NLRP1: variants seen among roughly 807,000 people sequenced by gnomAD.
NLRP1 encodes the protein NLR family pyrin domain containing 1, also known as NACHT, LRR and PYD domains-containing protein 1.
NLRP1 carries 94 observed loss-of-function variants against 136.7 expected under a neutral mutation model. That is an observed-to-expected ratio of 0.69 (90% CI 0.58 to 0.82). NLRP1 has a LOEUF of 0.82. Among genes scored for constraint, NLRP1 ranks in the 40% least tolerant of loss-of-function variants. The pLI, the probability that NLRP1 is intolerant of heterozygous loss-of-function variation, is 0.00. For synonymous variants in NLRP1, 690 were observed against 725.1 expected (o/e 0.95, Z 0.78); for missense variants, 1,575 against 1,802.7 (o/e 0.87, Z 2.29).
intron 3 of NLRP1, among the ~76,000 whole-genome samples, chr17:5,570,619 A>C (rs1915768720): frequency 6.6e-6 from 1 of 152,132 alleles, no homozygotes; most frequent in South Asian, 2.1e-4. Flanking sequence ...AACCAGAAAA[A>C]GGCCAGGACC....
chr17:5,572,085 T>C (rs547522994), intron 3 of NLRP1, among the ~76,000 whole-genome samples: 2 of 152,258 alleles, frequency 1.3e-5, no homozygotes, highest in South Asian at 2.1e-4. Flanking sequence ...TGATACTATA[T>C]ACAAAGATCA....
chr17:5,519,918 G>A (rs1464512623), intron 14 of NLRP1, among the ~76,000 whole-genome samples: 2 of 137,304 alleles, frequency 1.5e-5, no homozygotes, highest in Admixed American at 7.7e-5. Flanking sequence ...GTGCAGTGGT[G>A]CACTCTCGGC....
intron 2 of NLRP1, among the ~76,000 whole-genome samples, chr17:5,582,411 T>C (rs1383321005): frequency 2.0e-5 from 3 of 152,116 alleles, no homozygotes; most frequent in African/African-American, 4.8e-5. Context: ...GGGCACCCAG[T>C]TGGGGAAGAC....
rs147301590 is a variant in NLRP1, at chr17:5,558,282, C to A, written c.2357+57G>T. 3,925 of 1,533,502 alleles carry A rather than the reference C, an allele frequency of 2.6e-3. 13 individuals carry two copies. The highest frequency in any genetic ancestry group is 3.0e-3 in the Non-Finnish European group (3,418 of 1,140,858). The allele number at this position is 1,533,502 out of a possible 1,614,324, so 95.0% of individuals were successfully genotyped here. On this transcript the variant is annotated intron_variant, in intron 4 of 16. Transcript: ENST00000572272. ...GTGAGCATGCCTCTGGTGCTCAGGTCACTCGGGCTTATGGACTGACAGAGG... is the reference window on the plus strand; with the variant it reads ...GTGAGCATGCCTCTGGTGCTCAGGTAACTCGGGCTTATGGACTGACAGAGG...
chr17:5,521,813 C>A, intron 12 of NLRP1, 27 bp from the exon 13 acceptor site: 1 of 1,551,084 alleles, frequency 6.4e-7, no homozygotes, highest in South Asian at 1.2e-5. Flanking sequence ...TGAAGAGGCA[C>A]AGGTTTATTT....
intron 11 of NLRP1, 45 bp downstream of exon 11, chr17:5,532,777 G>A: frequency 6.5e-7 from 1 of 1,526,938 alleles, no homozygotes; most frequent in Admixed American, 2.1e-5. Context: ...ATGGGCAGTG[G>A]GGTGCGGGAG....
downstream of NLRP1, chr17:5,512,143 A>G (rs1567626894): frequency 1.5e-5 from 13 of 890,146 alleles, no homozygotes. Flanking sequence ...CCACAGACCA[A>G]CTGTGGCCAT....
At position 5,504,671 on chromosome 17, in the gene NLRP1, G is replaced by T. The variant is rs867171633; in HGVS notation, c.4070-2799C>A. 7.1e-6 allele frequency: 1 copy of T among 140,486 alleles called. No homozygotes were observed. Among genetic ancestry groups the T allele is most frequent in the African/African-American group, 2.7e-5 (1 of 36,600 alleles). 8.7% of individuals were successfully genotyped at this position (140,486 alleles called of 1,614,324 possible). A position where few individuals can be genotyped will look rare whatever the true frequency, so the allele number is the denominator to read the frequency against. On this transcript the variant is annotated intron_variant, in intron 15 of 15. Transcript: ENST00000262467. This position sits in a 1 kb window ranked among gnomAD's most constrained non-coding sequence, Gnocchi z 4.4. ...AATAGAATAGAATAAAACACTGACT[G>T]CTGGGGTTCTAACCCACATCTCTCT...
At chr17:5,533,507 G>C in intron 9 of NLRP1, 123 bp from the exon 10 acceptor site, 1 of 552,172 alleles carries the variant, frequency 1.8e-6, no homozygotes. Flanking sequence ...AGTGAGCCAT[G>C]AACATGCCAC....
intron 16 of NLRP1, 45 bp downstream of exon 16, chr17:5,515,428 C>T (rs769088188): frequency 5.9e-6 from 9 of 1,518,750 alleles, no homozygotes; most frequent in Non-Finnish European, 9.1e-7. Flanking sequence ...GACAGTACCC[C>T]AGAACTGCCA....
chr17:5,511,657 A>G (rs142319438), downstream of NLRP1, among the ~76,000 whole-genome samples: 730 of 152,220 alleles, frequency 4.8e-3, 7 homozygotes, highest in African/African-American at 0.017. Context: ...AGGTCTGCAG[A>G]AGGAGGCGGG....
intron 3 of NLRP1, among the ~76,000 whole-genome samples, chr17:5,577,391 A>G (rs941807953): frequency 1.3e-5 from 2 of 152,252 alleles, no homozygotes; most frequent in Non-Finnish European, 1.5e-5. Context: ...AATCTCCTTA[A>G]GCTGATAAGC....
At chr17:5,580,079 C>CA in intron 3 of NLRP1, among the ~76,000 whole-genome samples, 1 of 151,972 alleles carries the variant, frequency 6.6e-6, no homozygotes, top group South Asian at 2.1e-4. Context: ...ACTAAAAATA[C>CA]AAAAAATTAG....
intron 3 of NLRP1, among the ~76,000 whole-genome samples, chr17:5,572,839 G>A (rs1203042956): frequency 6.6e-6 from 1 of 152,142 alleles, no homozygotes; most frequent in Non-Finnish European, 1.5e-5. Flanking sequence ...AATTGGGGTG[G>A]TTCCAAGATG....
chr17:5,559,697 C>T lies in NLRP1; in HGVS notation c.999G>A (p.Gln333=), dbSNP rs770444845. ...TTGACTTCCCAATTCCAGCAGCCCC[C>T]TGCAGTATGACTATGCGAGGTTCTT... ...DTQEPRIVIL[Q]GAAGIGKSTL... The change falls in exon 4 of 17, where the codon CAG becomes CAA. Residue 333 remains glutamine (Q), a synonymous_variant. Coordinates refer to ENST00000572272, the MANE Select transcript of NLRP1 (RefSeq NM_033004.4). 2.5e-6 allele frequency: 4 copies of T among 1,614,254 alleles called. No homozygotes were observed. The highest frequency in any genetic ancestry group is 4.5e-5 in the East Asian group (2 of 44,886).
In NLRP1 at chr17:5,584,134, G is replaced by A. The variant is rs1439836848; in HGVS notation, c.-177C>T. 7 of 649,618 alleles carry A rather than the reference G, an allele frequency of 1.1e-5. No individual in the cohort carries two copies. The highest frequency in any genetic ancestry group is 1.8e-5 in the Non-Finnish European group (7 of 384,532). 40.2% of individuals were successfully genotyped at this position (649,618 alleles called of 1,614,324 possible). ...GATAGACGCCGATAGAGGGGGAGTG[G>A]TAGGAAAAGCCAGGGGAGGGAGGAG... On this transcript the variant is annotated 5_prime_UTR_variant, in exon 1 of 17. Transcript: ENST00000572272.
rs1263231439 is a variant in NLRP1, at chr17:5,559,015, C to A, written c.1681G>T (p.Ala561Ser). Residue 561 changes from alanine (A) to serine (S), a missense_variant, in exon 4 of 17, where the codon GCT (alanine) becomes TCT (serine). Physicochemically the swap from Ala to Ser is moderately conservative, Grantham distance 99 (BLOSUM62 1). Coordinates refer to ENST00000572272, the MANE Select transcript of NLRP1 (RefSeq NM_033004.4). The stretch of plus-strand genomic sequence containing the variant: ...CTGAGCTGGGGTCCCAATGGCTGAG[C>A]TTGGAGAGCCTGGGCAAGGTAATGT... Reference protein sequence around the residue: ...CLHYLAQALQAQPLGPQLRDL... With the variant: ...CLHYLAQALQSQPLGPQLRDL... The A allele has an allele frequency of 6.2e-7, 1 of 1,614,018 alleles. No homozygotes were observed. The highest frequency in any genetic ancestry group is 1.7e-5 in the Admixed American group (1 of 60,010).
chr17:5,539,962 G>A (rs1911654576), intron 6 of NLRP1, among the ~76,000 whole-genome samples: 3 of 152,190 alleles, frequency 2.0e-5, no homozygotes, highest in African/African-American at 7.2e-5. Context: ...GCCTCCCAAA[G>A]TACTGGGATT....
rs764783999 is a variant in NLRP1, at chr17:5,539,522, G to A, written c.2763C>T (p.Ser921=). 9.9e-6 allele frequency: 16 copies of A among 1,613,900 alleles called. No homozygotes were observed. Among genetic ancestry groups the A allele is most frequent in the Non-Finnish European group, 1.4e-5 (16 of 1,179,986 alleles). ...GCAGGTCTAGCTCCTTCAGGCTGGG[G>A]CTGGCACTAAGCACAGAGGCCAGGT... is the stretch of plus-strand genomic sequence containing the variant. ...CQDLASVLSA[S]PSLKELDLQQ... is the part of the protein sequence containing the mutation. The change falls in exon 7 of 17, where the codon AGC becomes AGT. Residue 921 remains serine, a synonymous_variant. Coordinates refer to ENST00000572272, the MANE Select transcript of NLRP1 (RefSeq NM_033004.4).
Sources: gnomAD v4.1 joint callset for allele counts (sites outside exome capture counted in the v4.1 genomes callset) on GRCh38, gnomAD v4.1.1 for gene constraint, Gnocchi (gnomAD v3.1) non-coding constraint, MANE v1.5 for transcripts, NCBI Gene and HGNC (gene_info 2026-07-23, HGNC 2026-07-21) for gene names.